JAKMIP2: variants seen among roughly 807,000 people sequenced by gnomAD.
The protein encoded by JAKMIP2 is janus kinase and microtubule interacting protein 2.
In JAKMIP2, 25 loss-of-function variants were observed where a neutral mutation model predicts 115.0. The ratio of observed to expected loss-of-function variants is 0.22; its 90% confidence interval spans 0.16 to 0.30. The LOEUF is 0.30. Among genes scored for constraint, JAKMIP2 ranks in the 10% least tolerant of loss-of-function variants. The pLI is 1.00. For synonymous variants in JAKMIP2, 334 were observed against 343.6 expected, an observed-to-expected ratio of 0.97 and a Z score of 0.31; for missense variants, 642 against 957.6, an observed-to-expected ratio of 0.67 and a Z score of 4.35.
At chr5:147,668,338 C>G (rs1759405436) in intron 2 of JAKMIP2, among the ~76,000 whole-genome samples, 1 of 152,190 alleles carries the variant, frequency 6.6e-6, no homozygotes, top group African/African-American at 2.4e-5. Flanking sequence ...TTCATACACA[C>G]TAACCAATGG....
At chr5:147,703,993 G>A (rs1268719215) in intron 1 of JAKMIP2, among the ~76,000 whole-genome samples, 3 of 152,042 alleles carry the variant, frequency 2.0e-5, no homozygotes, top group Non-Finnish European at 4.4e-5. Context: ...AGGGTCAGGG[G>A]TCAGGATCAC....
chr5:147,621,841 A>T (rs1756864384), intron 17 of JAKMIP2, among the ~76,000 whole-genome samples: 2 of 152,304 alleles, frequency 1.3e-5, no homozygotes, highest in South Asian at 4.1e-4. Context: ...AGTTATAATG[A>T]TAACATTAAT....
chr5:147,633,162 A>G (rs923357181), intron 12 of JAKMIP2, among the ~76,000 whole-genome samples: 1 of 152,110 alleles, frequency 6.6e-6, no homozygotes, highest in African/African-American at 2.4e-5. Flanking sequence ...TGTTACAGAA[A>G]TTTTTTTTAA....
chr5:147,626,694 T>C (rs974995010), intron 16 of JAKMIP2, among the ~76,000 whole-genome samples: 1 of 152,246 alleles, frequency 6.6e-6, no homozygotes, highest in Non-Finnish European at 1.5e-5. Context: ...ACAGTTGTAC[T>C]GCACCCACAC....
intron 1 of JAKMIP2, among the ~76,000 whole-genome samples, chr5:147,693,820 T>C (rs1420575352): frequency 2.0e-5 from 3 of 152,190 alleles, no homozygotes; most frequent in African/African-American, 7.2e-5. Context: ...ATGGTTTAAA[T>C]CCTTAGAATT....
intron 12 of JAKMIP2, among the ~76,000 whole-genome samples, chr5:147,633,595 T>C (rs1330665735): frequency 6.6e-6 from 1 of 152,190 alleles, no homozygotes; most frequent in Non-Finnish European, 1.5e-5. Context: ...GACTTTCTTA[T>C]AGGACCTCTA....
chr5:147,657,229 G>A (rs893013760), intron 3 of JAKMIP2, among the ~76,000 whole-genome samples: 11 of 152,164 alleles, frequency 7.2e-5, no homozygotes, highest in African/African-American at 1.9e-4. Context: ...GCAGTGAGCC[G>A]AGATCGCGCC....
chr5:147,639,713 T>C lies in JAKMIP2; in HGVS notation c.1449A>G (p.Lys483=). The C allele has an allele frequency of 6.2e-7, 1 of 1,614,046 alleles. No individual in the cohort carries two copies. The part of the protein sequence containing the change: ...ESELRFRQLT[K]EYQALQRAYA... ...ATGCTCTTTGGAGGGCCTGATATTC[T>C]TTTGTTAATTGTCGAAATCTTAGTT... is the stretch of plus-strand genomic sequence containing the variant. Residue 483 remains lysine, a synonymous_variant, in exon 10 of 22, where the codon AAA becomes AAG. Transcript: ENST00000616793.
intron 1 of JAKMIP2, among the ~76,000 whole-genome samples, chr5:147,723,000 T>C (rs1753375309): frequency 6.6e-6 from 1 of 152,142 alleles, no homozygotes; most frequent in South Asian, 2.1e-4. Context: ...TATTATGTTA[T>C]TAATTACATT....
intron 11 of JAKMIP2, 151 bp from the exon 12 acceptor site, chr5:147,636,435 T>G (rs1246161502): frequency 3.2e-6 from 2 of 616,102 alleles, no homozygotes; most frequent in African/African-American, 1.9e-5. Context: ...GCCAGCTCCT[T>G]CAAAGAAATT....
chr5:147,774,876 T>C (rs1755499796), intron 1 of JAKMIP2, among the ~76,000 whole-genome samples: 2 of 152,180 alleles, frequency 1.3e-5, no homozygotes, highest in Non-Finnish European at 2.9e-5. Flanking sequence ...CCTAAGCACA[T>C]GCTCAGAGGC....
At chr5:147,720,859 A>C (rs1352623844) in intron 1 of JAKMIP2, among the ~76,000 whole-genome samples, 1 of 152,088 alleles carries the variant, frequency 6.6e-6, no homozygotes, top group Non-Finnish European at 1.5e-5. Flanking sequence ...CGTCAAAGTC[A>C]TTCTCCGTCC....
At chr5:147,615,199 G>T (rs1043891165) in intron 19 of JAKMIP2, among the ~76,000 whole-genome samples, 1 of 152,170 alleles carries the variant, frequency 6.6e-6, no homozygotes, top group Admixed American at 6.5e-5. Context: ...GGTTGTGAAT[G>T]AGTGCATAAC....
chr5:147,648,184 G>C (rs1288598003), intron 5 of JAKMIP2, among the ~76,000 whole-genome samples, 192 bp downstream of exon 5: 6 of 152,190 alleles, frequency 3.9e-5, no homozygotes, highest in Non-Finnish European at 8.8e-5. Flanking sequence ...GGGGGTGTGA[G>C]ATGCTGGTAA....
chr5:147,679,289 C>T (rs1194452407), intron 1 of JAKMIP2, among the ~76,000 whole-genome samples: 1 of 152,132 alleles, frequency 6.6e-6, no homozygotes, highest in African/African-American at 2.4e-5. Context: ...CCTCCAACTA[C>T]ATTTTCTACT....
At chr5:147,597,841 G>T (rs1430396870) in intron 21 of JAKMIP2, among the ~76,000 whole-genome samples, 6 of 152,188 alleles carry the variant, frequency 3.9e-5, no homozygotes. Context: ...CTGATGAGAG[G>T]CCATGAAGGT....
intron 1 of JAKMIP2, among the ~76,000 whole-genome samples, chr5:147,765,707 C>A (rs1755130951): frequency 6.6e-6 from 1 of 152,012 alleles, no homozygotes. Flanking sequence ...TTGGCAAAAT[C>A]TTGGGAAATG....
chr5:147,725,542 C>T (rs1753485755), intron 1 of JAKMIP2, among the ~76,000 whole-genome samples: 1 of 152,110 alleles, frequency 6.6e-6, no homozygotes, highest in African/African-American at 2.4e-5. Context: ...ATCCCTGACC[C>T]AAAGGAAATA....
At chr5:147,707,626 C>A (rs893463463) in intron 1 of JAKMIP2, among the ~76,000 whole-genome samples, 1 of 152,158 alleles carries the variant, frequency 6.6e-6, no homozygotes, top group Non-Finnish European at 1.5e-5. Context: ...CATTGGTACA[C>A]TCTCCCTGGT....
Sources: gnomAD v4.1 joint callset for allele counts (sites outside exome capture counted in the v4.1 genomes callset) on GRCh38, gnomAD v4.1.1 for gene constraint, MANE v1.5 for transcripts, NCBI Gene and HGNC (gene_info 2026-07-23, HGNC 2026-07-21) for gene names.